Variants in ADGRA2 observed in about 807,000 individuals in gnomAD.
The protein encoded by ADGRA2 is adhesion G protein-coupled receptor A2.
ADGRA2 carries 61 observed loss-of-function variants against 98.7 expected under a neutral mutation model. The ratio of observed to expected loss-of-function variants is 0.62; its 90% CI spans 0.50 to 0.76. ADGRA2 has a LOEUF of 0.76. ADGRA2 is among the 30% of genes least tolerant of loss of function. ADGRA2 has a pLI of 0.00. For synonymous variants in ADGRA2, 858 were observed against 831.5 expected, an observed-to-expected ratio of 1.03 and a Z score of -0.55; for missense variants, 1,712 against 1,860.0, an observed-to-expected ratio of 0.92 and a Z score of 1.46.
intron 16 of ADGRA2, 120 bp downstream of exon 16, chr8:37,839,742 T>C: frequency 7.8e-7 from 1 of 1,284,334 alleles, no homozygotes; most frequent in East Asian, 2.3e-5. Context: ...GCTCCATGGC[T>C]TCCTCTGTGG....
rs779736214 is a variant in ADGRA2 at position 37,830,931 on chromosome 8, C to T, written c.932+8C>T. 30 of 1,555,494 alleles carry T rather than the reference C, an allele frequency of 1.9e-5. No homozygotes were observed. The East Asian group carries it at 7.1e-4, about 37-fold the overall frequency. ...CTGCACCTTCATCACCAGGTATGAG[C>T]CCCGCTGCCCCTCCTCAGGCCTCAG... On this transcript the variant is annotated splice_region_variant and intron_variant, in intron 7 of 18. Transcript: ENST00000412232. The surrounding 1 kb of genome is among the most constrained non-coding windows in gnomAD (Gnocchi z 4.8).
rs528378271 is a variant in ADGRA2 at position 37,836,492 on chromosome 8, C to G, written c.2050+722C>G. ...GTCTGACTCGCCACCCACCTGGGGGCCTGGCACCCAGAAAGCAGATGGATC... is the reference window on the plus strand; with the variant it reads ...GTCTGACTCGCCACCCACCTGGGGGGCTGGCACCCAGAAAGCAGATGGATC... On this transcript the variant is annotated intron_variant, in intron 13 of 18. Coordinates refer to ENST00000412232, the MANE Select transcript of ADGRA2 (RefSeq NM_032777.10). Among the ~76,000 whole-genome samples the G allele has an allele frequency of 5.3e-5, 8 of 152,292 alleles. No individual in the cohort carries two copies. In the East Asian group the frequency reaches 1.5e-3, roughly 29 times the overall value.
rs770583298 is a variant in ADGRA2 at position 37,840,219 on chromosome 8, T to A, written c.2610T>A (p.Pro870=). 3 of 1,612,890 alleles carry A rather than the reference T, an allele frequency of 1.9e-6. No homozygotes were observed. In the South Asian group the frequency reaches 3.3e-5, roughly 18 times the overall value. ...LHKELTWRAP[P]PQEGDPALPT... The stretch of plus-strand genomic sequence containing the variant: ...AGGAGCTCACCTGGAGGGCACCCCC[T>A]CCGCAAGAAGGGGACCCCGCTCTGC... Residue 870 remains proline (P), a synonymous_variant, in exon 17 of 19, where the codon CCT becomes CCA. Coordinates refer to ENST00000412232, the MANE Select transcript of ADGRA2 (RefSeq NM_032777.10).
intron 15 of ADGRA2, 124 bp downstream of exon 15, chr8:37,839,207 T>C: frequency 7.3e-7 from 1 of 1,369,764 alleles, no homozygotes; most frequent in Non-Finnish European, 1.0e-6. Context: ...GGGGAGGGAC[T>C]CCGAGGCAGG....
Position 37,814,574 on chromosome 8 carries a change from G to C in ADGRA2, c.267-322G>C, listed in dbSNP as rs1804925833. On this transcript the variant is annotated intron_variant, in intron 1 of 18. Transcript: ENST00000412232. The surrounding 1 kb of genome is among the most constrained non-coding windows in gnomAD (Gnocchi z 4.3). The stretch of plus-strand genomic sequence containing the variant: ...AGGGCATCATGAGGGGGCACTGAGG[G>C]TCAGCCCTGTGGTTCCAGAGTGGAA... 6.6e-6 allele frequency among the ~76,000 whole-genome samples: 1 copy of C among 152,242 alleles called. No individual in the cohort carries two copies. Among genetic ancestry groups the C allele is most frequent in the Non-Finnish European group, 1.5e-5 (1 of 68,038 alleles).
intron 2 of ADGRA2, among the ~76,000 whole-genome samples, chr8:37,823,860 G>A (rs946090349): frequency 6.6e-6 from 1 of 152,080 alleles, no homozygotes; most frequent in African/African-American, 2.4e-5. Flanking sequence ...TGGATAAAAT[G>A]TCTATTCAGA....
chr8:37,810,790 C>T (rs996582078), intron 1 of ADGRA2, among the ~76,000 whole-genome samples: 5 of 152,234 alleles, frequency 3.3e-5, no homozygotes, highest in African/African-American at 1.2e-4. Context: ...TGAGCCACTG[C>T]ACCAGGCCTA....
At chr8:37,838,494 C>T (rs1390202162) in intron 14 of ADGRA2, among the ~76,000 whole-genome samples, 2 of 152,080 alleles carry the variant, frequency 1.3e-5, no homozygotes, top group African/African-American at 4.8e-5. Flanking sequence ...CTCAAATGAT[C>T]CGCCCGCCTC....
intron 16 of ADGRA2, 124 bp downstream of exon 16, chr8:37,839,746 T>G: frequency 1.6e-6 from 2 of 1,226,266 alleles, no homozygotes; most frequent in Non-Finnish European, 2.3e-6. Context: ...CATGGCTTCC[T>G]CTGTGGCAGC....
Position 37,830,628 on chromosome 8 carries a change from C to CCCCA in ADGRA2, c.719-81_719-80insCCAC. The CCCCA allele has an allele frequency of 8.4e-6, 6 of 711,438 alleles. No individual in the cohort carries two copies. Among genetic ancestry groups the CCCCA allele is most frequent in the Non-Finnish European group, 1.2e-5 (5 of 411,710 alleles). 44.1% of individuals were successfully genotyped at this position (711,438 alleles called of 1,614,324 possible). On this transcript the variant is annotated intron_variant, in intron 6 of 18. Transcript: ENST00000412232. This position sits in a 1 kb window ranked among gnomAD's most constrained non-coding sequence, Gnocchi z 4.8. Reference sequence around the variant, plus strand: ...GCCGAGGGCCCCGCCCCGCCCCACCCCATCCTGCTGGACTCTCGCTCACAC... The same window carrying CCCCA: ...GCCGAGGGCCCCGCCCCGCCCCACCCCCCACATCCTGCTGGACTCTCGCTCACAC...
At chr8:37,839,380 C>A in intron 15 of ADGRA2, 119 bp from the exon 16 acceptor site, 2 of 1,505,214 alleles carry the variant, frequency 1.3e-6, no homozygotes. Flanking sequence ...CTGTCACATT[C>A]CCAACCATTC....
In ADGRA2 at chr8:37,837,778, C is replaced by T. The variant is rs768890920; in HGVS notation, c.2098C>T (p.Arg700Trp). ...GACAGAGCCAGTGGCCGTTTCGCTG[C>T]GGCACTGGGCTGAGGGAGCCGAACC... The part of the protein sequence containing the change: ...NLTEPVAVSL[R>W]HWAEGAEPVA... Residue 700 changes from arginine to tryptophan, a missense_variant, in exon 14 of 19, where the codon CGG becomes TGG. By Grantham distance (101) the Arg-to-Trp change is moderately radical. Coordinates refer to ENST00000412232, the MANE Select transcript of ADGRA2 (RefSeq NM_032777.10). 1.7e-5 allele frequency: 26 copies of T among 1,551,400 alleles called. 1 individual carries two copies. Among genetic ancestry groups the T allele is most frequent in the East Asian group, 1.2e-4 (5 of 41,094 alleles).
chr8:37,808,194 G>C (rs1804731284), intron 1 of ADGRA2, among the ~76,000 whole-genome samples: 1 of 152,196 alleles, frequency 6.6e-6, no homozygotes, highest in African/African-American at 2.4e-5. Context: ...TCCAGGGACT[G>C]GCCCTCCTTC....
intron 2 of ADGRA2, among the ~76,000 whole-genome samples, chr8:37,815,256 GGGC>G (rs1804945001): frequency 6.6e-6 from 1 of 152,262 alleles, no homozygotes; most frequent in Admixed American, 6.5e-5. Context: ...TTAGCTGTGA[GGGC>G]CGAGCTCTCG....
chr8:37,835,898 C>T (rs1805597569), intron 13 of ADGRA2, 128 bp downstream of exon 13: 4 of 651,104 alleles, frequency 6.1e-6, no homozygotes, highest in Non-Finnish European at 1.1e-5. Flanking sequence ...GATGTTGGGT[C>T]TCTCACCTTT....
chr8:37,797,188 A>G lies in ADGRA2; in HGVS notation c.-81A>G. 1 of 1,096,542 alleles carries G rather than the reference A, an allele frequency of 9.1e-7. No individual in the cohort carries two copies. The highest frequency in any genetic ancestry group is 1.1e-6 in the Non-Finnish European group (1 of 879,854). The allele number at this position is 1,096,542 out of a possible 1,614,324, so 67.9% of individuals were successfully genotyped here. A position where few individuals can be genotyped will look rare whatever the true frequency, so the allele number is the denominator to read the frequency against. On this transcript the variant is annotated 5_prime_UTR_variant, in exon 1 of 19. Coordinates refer to ENST00000412232, the MANE Select transcript of ADGRA2 (RefSeq NM_032777.10). The surrounding 1 kb of genome is among the most constrained non-coding windows in gnomAD (Gnocchi z 5.3). The stretch of plus-strand genomic sequence containing the variant: ...CGGGAGCCCCGGGCCCCCGCTGAGC[A>G]CTCCTCCCGCACGCCTGGGTCCCTC...
In ADGRA2 at chr8:37,841,452, G is replaced by A; in HGVS notation, c.3114G>A (p.Leu1038=). Residue 1038 remains leucine, a synonymous_variant, in exon 19 of 19, where the codon CTG becomes CTA. Transcript: ENST00000412232. The surrounding 1 kb of genome is among the most constrained non-coding windows in gnomAD (Gnocchi z 5.0). ...TGGCCATGTGGGCCTGCGGGGCTCT[G>A]GCAGTGTCCCAGCGCTGGCTGCCCC... is the stretch of plus-strand genomic sequence containing the variant. The part of the protein sequence containing the change: ...LYLAMWACGA[L]AVSQRWLPRV... 1 of 1,613,020 alleles carries A rather than the reference G, an allele frequency of 6.2e-7. No individual in the cohort carries two copies. The highest frequency in any genetic ancestry group is 8.5e-7 in the Non-Finnish European group (1 of 1,179,848).
In ADGRA2 at chr8:37,814,182, C is replaced by T. The variant is rs1411290872; in HGVS notation, c.267-714C>T. ...AGTGGGTGGGCGGAGATGAGACACT[C>T]GGTCTCTCTCAGTCACTTGGGGCCC... On this transcript the variant is annotated intron_variant, in intron 1 of 18. Transcript: ENST00000412232. The surrounding 1 kb of genome is among the most constrained non-coding windows in gnomAD (Gnocchi z 4.3). Among the ~76,000 whole-genome samples, 2 of 152,186 alleles carry T rather than the reference C, an allele frequency of 1.3e-5. No homozygotes were observed. Among genetic ancestry groups the T allele is most frequent in the Non-Finnish European group, 2.9e-5 (2 of 68,030 alleles).
Position 37,840,808 on chromosome 8 carries a change from AGCT to A in ADGRA2, c.2709_2711del (p.Ala904del). 1 of 1,610,524 alleles carries A rather than the reference AGCT, an allele frequency of 6.2e-7. No homozygotes were observed. The highest frequency in any genetic ancestry group is 8.5e-7 in the Non-Finnish European group (1 of 1,177,432). On this transcript the variant is annotated inframe_deletion, in exon 18 of 19. Transcript: ENST00000412232. ...TTCCACTCATTATCTGTGGCATCAC[AGCT>A]GCAGTCAACATCCACAACTACCGGG...
Sources: allele counts gnomAD v4.1 joint callset (sites outside exome capture counted in the v4.1 genomes callset), GRCh38; gene constraint gnomAD v4.1.1; non-coding constraint Gnocchi (gnomAD v3.1); transcripts MANE v1.5; gene names NCBI Gene and HGNC (gene_info 2026-07-23, HGNC 2026-07-21).